Variants in PEX13 observed in about 807,000 individuals in gnomAD.
PEX13 encodes the protein peroxisomal biogenesis factor 13, also known as peroxisome biogenesis factor 13.
A neutral mutation model predicts 34.5 loss-of-function variants in PEX13; 28 were observed. That is an observed-to-expected ratio of 0.81 (90% CI 0.60 to 1.11). The LOEUF (loss-of-function observed/expected upper bound fraction) is 1.11. Among genes scored for constraint, PEX13 ranks in the 50% most tolerant of loss-of-function variants. The probability of loss-of-function intolerance (pLI) is 0.00; values close to 1 mark genes in which losing one functional copy is unlikely to be tolerated. For synonymous variants in PEX13, 177 were observed against 175.1 expected, an observed-to-expected ratio of 1.01 and a Z score of -0.09; for missense variants, 550 against 491.0, an observed-to-expected ratio of 1.12 and a Z score of -1.13.
At chr2:61,023,404 C>CAG (rs1680297848) in intron 1 of PEX13, among the ~76,000 whole-genome samples, 1 of 146,760 alleles carries the variant, frequency 6.8e-6, no homozygotes, top group Admixed American at 6.7e-5. Flanking sequence ...AATATACAGA[C>CAG]ACACACACAC....
intron 1 of PEX13, among the ~76,000 whole-genome samples, chr2:61,026,206 T>C (rs189732327): frequency 1.0e-3 from 159 of 152,216 alleles, no homozygotes; most frequent in Middle Eastern, 6.8e-3. Flanking sequence ...TTAATCTAAT[T>C]ACCTCGACAA....
intron 1 of PEX13, among the ~76,000 whole-genome samples, chr2:61,021,948 A>T (rs1363442906): frequency 2.0e-5 from 3 of 152,238 alleles, no homozygotes; most frequent in African/African-American, 7.2e-5. Context: ...GACCATTAGA[A>T]GGAAAACTAG....
chr2:61,030,675 T>C (rs1476577068), intron 1 of PEX13, among the ~76,000 whole-genome samples: 2 of 152,182 alleles, frequency 1.3e-5, no homozygotes, highest in East Asian at 3.8e-4. Flanking sequence ...CAGAAACATA[T>C]AAAATAAGTA....
chr2:61,039,836 C>A (rs930599425), intron 2 of PEX13, among the ~76,000 whole-genome samples: 1 of 152,138 alleles, frequency 6.6e-6, no homozygotes, highest in Non-Finnish European at 1.5e-5. Flanking sequence ...TGTTTGCAAT[C>A]TACCCATCTG....
chr2:61,018,516 C>G, intron 1 of PEX13: 1 of 415,318 alleles, frequency 2.4e-6, no homozygotes, highest in African/African-American at 2.0e-5. Context: ...GTTTCTAGGA[C>G]TTTAAAAAGG....
chr2:61,022,878 AAG>A (rs1212616009), intron 1 of PEX13, among the ~76,000 whole-genome samples: 7 of 152,162 alleles, frequency 4.6e-5, no homozygotes, highest in South Asian at 2.1e-4. Context: ...CAAAAAGAAA[AAG>A]AACTCTATTC....
chr2:61,048,596 TAA>T lies in PEX13; in HGVS notation c.1040_1041del (p.Lys347SerfsTer15), dbSNP rs1680746728. ...RKGRKTVESS[K>X]VSKQQQSFTN... ...AAGGTAGGAAAACGGTGGAATCAAG[TAA>T]AGTTTCCAAGCAGCAACAATCTTTT... On this transcript the variant is annotated frameshift_variant, in exon 4 of 4. Coordinates refer to ENST00000295030, the MANE Select transcript of PEX13 (RefSeq NM_002618.4). LOFTEE classifies it high-confidence loss of function. 1.2e-6 allele frequency: 2 copies of T among 1,613,974 alleles called. No individual in the cohort carries two copies. Among genetic ancestry groups the T allele is most frequent in the African/African-American group, 2.7e-5 (2 of 74,904 alleles).
intron 1 of PEX13, among the ~76,000 whole-genome samples, chr2:61,025,260 G>A (rs1005836981): frequency 4.0e-5 from 6 of 151,780 alleles, no homozygotes; most frequent in Admixed American, 1.3e-4. Flanking sequence ...TAATAGAGAC[G>A]GGGTTTCACC....
rs1680774257 is a variant in PEX13 at position 61,050,259 on chromosome 2, C to T, written c.*1489C>T. 1 of 152,226 alleles carries T rather than the reference C, an allele frequency of 6.6e-6. No individual in the cohort carries two copies. The highest frequency in any genetic ancestry group is 1.9e-4 in the East Asian group (1 of 5,168). 9.4% of individuals were successfully genotyped at this position (152,226 alleles called of 1,614,324 possible). The stretch of plus-strand genomic sequence containing the variant: ...GGTGCAGTGGCGTGCACCTGTAGTC[C>T]CAGCTACTCAGGAGGCTGAGGCAGG... On this transcript the variant is annotated 3_prime_UTR_variant, in exon 4 of 4. Transcript: ENST00000295030.
At chr2:61,037,754 C>CT (rs1321720736) in intron 2 of PEX13, among the ~76,000 whole-genome samples, 1 of 152,092 alleles carries the variant, frequency 6.6e-6, no homozygotes, top group Non-Finnish European at 1.5e-5. Flanking sequence ...CAAGACATAA[C>CT]TAAGATCAGA....
At chr2:61,040,639 C>T (rs1187225317) in intron 2 of PEX13, among the ~76,000 whole-genome samples, 4 of 151,488 alleles carry the variant, frequency 2.6e-5, no homozygotes, top group East Asian at 3.9e-4. Context: ...CTAATGTAAA[C>T]GACGAGTTGA....
intron 1 of PEX13, among the ~76,000 whole-genome samples, chr2:61,026,429 C>G (rs1680356727): frequency 6.7e-6 from 1 of 148,668 alleles, no homozygotes; most frequent in Non-Finnish European, 1.5e-5. Context: ...ACCTCAACCT[C>G]TGTCCGCTTC....
At chr2:61,023,567 CTCT>C (rs964041968) in intron 1 of PEX13, among the ~76,000 whole-genome samples, 43 of 151,924 alleles carry the variant, frequency 2.8e-4, no homozygotes, top group African/African-American at 9.7e-4. Context: ...TCTTTACTGT[CTCT>C]TCTTCTGTCA....
intron 2 of PEX13, among the ~76,000 whole-genome samples, chr2:61,034,890 G>A (rs1213838233): frequency 2.0e-5 from 3 of 152,252 alleles, no homozygotes; most frequent in Non-Finnish European, 2.9e-5. Flanking sequence ...TGTGGGCAGG[G>A]CATAGCTGAA....
chr2:61,021,385 C>T (rs537539386), intron 1 of PEX13, among the ~76,000 whole-genome samples: 40 of 152,332 alleles, frequency 2.6e-4, no homozygotes, highest in Non-Finnish European at 4.6e-4. Flanking sequence ...CCTGGCTTGA[C>T]GGATCCTATA....
chr2:61,017,861 G>T lies in PEX13; in HGVS notation c.92+10G>T. On this transcript the variant is annotated intron_variant, in intron 1 of 3. Transcript: ENST00000295030. ...CGGGCCCCACTTTCCAGTGAGTGTG[G>T]GATTCTTCAGGCTGTGAGTTTAGTG... The T allele has an allele frequency of 6.5e-7, 1 of 1,550,058 alleles. No individual in the cohort carries two copies. The highest frequency in any genetic ancestry group is 8.7e-7 in the Non-Finnish European group (1 of 1,146,418).
chr2:61,023,095 C>G (rs1333991484), intron 1 of PEX13, among the ~76,000 whole-genome samples: 2 of 151,894 alleles, frequency 1.3e-5, no homozygotes, highest in African/African-American at 2.4e-5. Flanking sequence ...GCTTCTACAT[C>G]CTGGGATTAA....
Position 61,027,114 on chromosome 2 carries a change from G to C in PEX13, c.93-4305G>C, listed in dbSNP as rs370817017. On this transcript the variant is annotated intron_variant, in intron 1 of 3. Transcript: ENST00000295030. ...AAGGCAGGAGGATTGCTTGAGCCCA[G>C]GAGTTGGAAACCAGCCTCTCAAGAT... Among the ~76,000 whole-genome samples the C allele has an allele frequency of 5.9e-5, 9 of 151,284 alleles. No individual in the cohort carries two copies. In the East Asian group the frequency reaches 1.4e-3, roughly 23 times the overall value.
chr2:61,037,639 C>T (rs1283763414), intron 2 of PEX13, among the ~76,000 whole-genome samples: 1 of 152,160 alleles, frequency 6.6e-6, no homozygotes, highest in Non-Finnish European at 1.5e-5. Flanking sequence ...ATTTATAGCA[C>T]TAAATGCCCA....
Sources: allele counts gnomAD v4.1 joint callset (sites outside exome capture counted in the v4.1 genomes callset), GRCh38; gene constraint gnomAD v4.1.1; transcripts MANE v1.5; gene names NCBI Gene and HGNC (gene_info 2026-07-23, HGNC 2026-07-21).